SUFU: variants seen among roughly 807,000 people sequenced by gnomAD.
SUFU encodes the protein suppressor of fused homolog.
A neutral mutation model predicts 58.9 loss-of-function variants in SUFU; 7 were observed. That is an observed-to-expected ratio of 0.12 (90% CI 0.07 to 0.22). The LOEUF (loss-of-function observed/expected upper bound fraction) is 0.22. Among genes scored for constraint, SUFU ranks in the 10% least tolerant of loss-of-function variants. The pLI, the probability that SUFU is intolerant of heterozygous loss-of-function variation, is 1.00. For synonymous variants in SUFU, 232 were observed against 254.8 expected (o/e 0.91, Z 0.85); for missense variants, 451 against 641.3 (o/e 0.70, Z 3.20).
intron 1 of SUFU, among the ~76,000 whole-genome samples, chr10:102,504,899 C>G (rs990650836): frequency 4.6e-5 from 7 of 152,084 alleles, no homozygotes; most frequent in Admixed American, 2.0e-4. Flanking sequence ...GATACCTTCC[C>G]GATTAGCTCA....
At chr10:102,550,272 G>C (rs547455075) in intron 3 of SUFU, among the ~76,000 whole-genome samples, 166 bp downstream of exon 3, 1 of 152,248 alleles carries the variant, frequency 6.6e-6, no homozygotes, top group South Asian at 2.1e-4. Flanking sequence ...TTCCTGGTTG[G>C]AAAACCAACT....
intron 2 of SUFU, among the ~76,000 whole-genome samples, chr10:102,529,233 T>C (rs1173015963): frequency 1.3e-5 from 2 of 152,198 alleles, no homozygotes; most frequent in Non-Finnish European, 2.9e-5. Context: ...GTTGTTTATT[T>C]AGTAGTTGTT....
intron 2 of SUFU, among the ~76,000 whole-genome samples, chr10:102,545,722 C>G (rs1187296786): frequency 6.6e-6 from 1 of 152,114 alleles, no homozygotes; most frequent in Non-Finnish European, 1.5e-5. Flanking sequence ...GCCTGTAATC[C>G]CAGCACTTTG....
Position 102,619,665 on chromosome 10 carries a change from C to T in SUFU, c.1296+2237C>T, listed in dbSNP as rs963810690. 1.3e-4 allele frequency among the ~76,000 whole-genome samples: 20 copies of T among 152,208 alleles called. No homozygotes were observed. The highest frequency in any genetic ancestry group is 1.0e-3 in the Admixed American group (16 of 15,288). ...GGATTCTCAGCAGTGGAGCCAACAC[C>T]CACACCAGCCCTCCTCCCCCTGCCA... On this transcript the variant is annotated intron_variant, in intron 10 of 11. Coordinates refer to ENST00000369902, the MANE Select transcript of SUFU (RefSeq NM_016169.4). This position sits in a 1 kb window ranked among gnomAD's most constrained non-coding sequence, Gnocchi z 4.2.
At chr10:102,548,986 G>A (rs1377939095) in intron 2 of SUFU, among the ~76,000 whole-genome samples, 1 of 152,200 alleles carries the variant, frequency 6.6e-6, no homozygotes, top group Non-Finnish European at 1.5e-5. Flanking sequence ...CCAGGTTTCA[G>A]GAAGAGCTTG....
At chr10:102,536,989 T>G (rs2062747165) in intron 2 of SUFU, among the ~76,000 whole-genome samples, 2 of 152,060 alleles carry the variant, frequency 1.3e-5, no homozygotes, top group African/African-American at 2.4e-5. Context: ...TTTTGTATTT[T>G]TAGCAGAGAG....
rs1490785347 is a variant in SUFU at position 102,628,578 on chromosome 10, GA to G, written c.1365+1336del. On this transcript the variant is annotated intron_variant, in intron 11 of 11. Transcript: ENST00000369902. This position sits in a 1 kb window ranked among gnomAD's most constrained non-coding sequence, Gnocchi z 4.5. ...GCTTTGAGCTTGGGGGTAGGAGGGG[GA>G]CAGTCCAGGCAAGAGGGACAGAAGC... Among the ~76,000 whole-genome samples, 3 of 152,190 alleles carry G rather than the reference GA, an allele frequency of 2.0e-5. No individual in the cohort carries two copies. The highest frequency in any genetic ancestry group is 2.0e-4 in the Admixed American group (3 of 15,280).
At chr10:102,528,021 T>C (rs1251178851) in intron 2 of SUFU, among the ~76,000 whole-genome samples, 1 of 152,186 alleles carries the variant, frequency 6.6e-6, no homozygotes, top group Admixed American at 6.5e-5. Context: ...GGTGTTGCTT[T>C]AAGCCAAAGC....
At chr10:102,505,849 C>T (rs1252517996) in intron 1 of SUFU, among the ~76,000 whole-genome samples, 2 of 152,172 alleles carry the variant, frequency 1.3e-5, no homozygotes, top group African/African-American at 2.4e-5. Context: ...GACCCATTCT[C>T]ATTGTGCCTT....
chr10:102,540,593 G>A (rs1464130653), intron 2 of SUFU, among the ~76,000 whole-genome samples: 3 of 152,050 alleles, frequency 2.0e-5, no homozygotes, highest in African/African-American at 7.3e-5. Context: ...AGAAGTTGCA[G>A]TGAGCCAAGA....
chr10:102,577,394 A>G (rs1564689865), intron 3 of SUFU, among the ~76,000 whole-genome samples: 1 of 151,272 alleles, frequency 6.6e-6, no homozygotes, highest in Non-Finnish European at 1.5e-5. Flanking sequence ...TCTGTCACCC[A>G]GGAGTGCAGT....
intron 10 of SUFU, among the ~76,000 whole-genome samples, chr10:102,626,757 G>A (rs1189164231): frequency 1.3e-5 from 2 of 152,156 alleles, no homozygotes; most frequent in Non-Finnish European, 2.9e-5. Flanking sequence ...GTCCTTCTAC[G>A]GTGAGGGGCA....
intron 8 of SUFU, among the ~76,000 whole-genome samples, chr10:102,614,557 CAA>C (rs1158727545): frequency 8.5e-6 from 1 of 117,120 alleles, no homozygotes; most frequent in Non-Finnish European, 1.8e-5. Context: ...GATGCTATCT[CAA>C]AAAAAAAAAA....
At chr10:102,509,447 C>A in intron 2 of SUFU, 144 bp downstream of exon 2, 2 of 1,188,344 alleles carry the variant, frequency 1.7e-6, no homozygotes, top group Non-Finnish European at 2.5e-6. Flanking sequence ...CTACTCATGC[C>A]AAGGTGGTCC....
chr10:102,565,869 A>G (rs573769450), intron 3 of SUFU, among the ~76,000 whole-genome samples: 2 of 152,284 alleles, frequency 1.3e-5, no homozygotes, highest in Admixed American at 1.3e-4. Context: ...TGATACAGGC[A>G]TTCAGCTAGG....
chr10:102,524,014 C>G (rs902167238), intron 2 of SUFU, among the ~76,000 whole-genome samples: 22 of 152,196 alleles, frequency 1.4e-4, no homozygotes, highest in Admixed American at 1.4e-3. Context: ...AAAGTTCTGC[C>G]TGCAGATAGC....
intron 10 of SUFU, among the ~76,000 whole-genome samples, chr10:102,624,175 C>A (rs1238126529): frequency 6.6e-6 from 1 of 152,204 alleles, no homozygotes; most frequent in African/African-American, 2.4e-5. Flanking sequence ...CAGAGCCAAG[C>A]AGCTCTGTAG....
intron 3 of SUFU, chr10:102,579,917 A>G (rs918583185): frequency 1.6e-5 from 15 of 938,302 alleles, no homozygotes; most frequent in Middle Eastern, 1.1e-3. Flanking sequence ...GGGAAACTCT[A>G]CAACTGGTCA....
intron 3 of SUFU, among the ~76,000 whole-genome samples, chr10:102,582,080 C>G (rs1490837326): frequency 1.3e-5 from 2 of 152,166 alleles, no homozygotes; most frequent in African/African-American, 4.8e-5. Flanking sequence ...GGAATAATCT[C>G]AGAGCACGCA....
Sources: allele counts gnomAD v4.1 joint callset (sites outside exome capture counted in the v4.1 genomes callset), GRCh38; gene constraint gnomAD v4.1.1; non-coding constraint Gnocchi (gnomAD v3.1); transcripts MANE v1.5; gene names NCBI Gene and HGNC (gene_info 2026-07-23, HGNC 2026-07-21).